FLYWCH1: variants seen among roughly 807,000 people sequenced by gnomAD.
FLYWCH1 encodes the protein FLYWCH-type zinc finger 1.
In FLYWCH1, 75 loss-of-function variants were observed where a neutral mutation model predicts 66.4. The observed-to-expected ratio is 1.13, with a 90% CI of 0.94 to 1.37. The LOEUF is 1.37. Ranked by LOEUF, FLYWCH1 falls within the 40% of genes most tolerant of loss-of-function variation. The pLI, the probability that FLYWCH1 is intolerant of heterozygous loss-of-function variation, is 0.00. For synonymous variants in FLYWCH1, 595 were observed against 429.9 expected, an observed-to-expected ratio of 1.38 and a Z score of -4.75; for missense variants, 1,334 against 1,001.8, an observed-to-expected ratio of 1.33 and a Z score of -4.48.
At chr16:2,932,437 G>T (rs1280088174) in intron 4 of FLYWCH1, among the ~76,000 whole-genome samples, 1 of 152,094 alleles carries the variant, frequency 6.6e-6, no homozygotes, top group African/African-American at 2.4e-5. Flanking sequence ...TGATAACCTG[G>T]ATTGTTGTGT....
At chr16:2,923,248 T>A (rs11642228) in intron 2 of FLYWCH1, 223,643 of 302,010 alleles carry the variant, frequency 0.74, 83,390 homozygotes, top group Non-Finnish European at 0.79. Context: ...GAGGCTGTTT[T>A]TGTTTATTTT....
chr16:2,936,811 A>C, intron 6 of FLYWCH1: 1 of 562,696 alleles, frequency 1.8e-6, no homozygotes. Context: ...CCTGCATGCA[A>C]GCCTGGGCGG....
chr16:2,938,630 T>TTG (rs1412348690), intron 8 of FLYWCH1, among the ~76,000 whole-genome samples, 174 bp downstream of exon 8: 3 of 136,024 alleles, frequency 2.2e-5, no homozygotes, highest in Non-Finnish European at 3.2e-5. Flanking sequence ...TTTTTTTTTT[T>TTG]GAGACTGAGT....
In FLYWCH1 at chr16:2,949,497, C is replaced by G. The variant is rs2071614425; in HGVS notation, c.*770C>G. The G allele has an allele frequency of 6.6e-6, 1 of 152,356 alleles. No individual in the cohort carries two copies. The highest frequency in any genetic ancestry group is 2.4e-5 in the African/African-American group (1 of 41,468). 9.4% of individuals were successfully genotyped at this position (152,356 alleles called of 1,614,324 possible). A position where few individuals can be genotyped will look rare whatever the true frequency, so the allele number is the denominator to read the frequency against. ...GCATCCTGGGTGGCCCAGGTCCATC[C>G]TGGGCAGCAAAGGCGTGTCCCCTTC... On this transcript the variant is annotated 3_prime_UTR_variant, in exon 10 of 10. Transcript: ENST00000253928.
At chr16:2,948,624 T>C (rs986844899) in intron 9 of FLYWCH1, 64 bp from the exon 10 acceptor site, 11 of 1,537,228 alleles carry the variant, frequency 7.2e-6, no homozygotes, top group African/African-American at 6.8e-5. Flanking sequence ...TCCTGAACTT[T>C]CTGTGTTATC....
intron 9 of FLYWCH1, among the ~76,000 whole-genome samples, chr16:2,948,303 A>T (rs2071566749): frequency 6.6e-6 from 1 of 152,070 alleles, no homozygotes; most frequent in Non-Finnish European, 1.5e-5. Flanking sequence ...TCATGCCTGT[A>T]ATCCCAGCAC....
At chr16:2,944,466 TATTAG>T (rs2071398504) in intron 9 of FLYWCH1, among the ~76,000 whole-genome samples, 1 of 152,238 alleles carries the variant, frequency 6.6e-6, no homozygotes, top group East Asian at 1.9e-4. Context: ...ATAAATATGT[TATTAG>T]ATTATTTACT....
intron 2 of FLYWCH1, among the ~76,000 whole-genome samples, chr16:2,920,686 CATAT>C: frequency 6.6e-6 from 1 of 151,724 alleles, no homozygotes; most frequent in Non-Finnish European, 1.5e-5. Flanking sequence ...GGATTGCAGG[CATAT>C]GCCACCATGC....
rs2071624823 is a variant in FLYWCH1, at chr16:2,949,854, C to T, written c.*1127C>T. 1.3e-5 allele frequency: 2 copies of T among 152,106 alleles called. No individual in the cohort carries two copies. The highest frequency in any genetic ancestry group is 6.6e-5 in the Admixed American group (1 of 15,252). 9.4% of individuals were successfully genotyped at this position (152,106 alleles called of 1,614,324 possible). A position where few individuals can be genotyped will look rare whatever the true frequency, so the allele number is the denominator to read the frequency against. ...CTTGTTCACATCCCTCTTGCAGCAA[C>T]AGTTGGCCGCCGTGAAACCACACTC... is the stretch of plus-strand genomic sequence containing the variant. On this transcript the variant is annotated 3_prime_UTR_variant, in exon 10 of 10. Transcript: ENST00000253928.
At chr16:2,922,815 T>G in intron 2 of FLYWCH1, 1 of 523,576 alleles carries the variant, frequency 1.9e-6, no homozygotes, top group Non-Finnish European at 3.8e-6. Flanking sequence ...TGGTGCTTGT[T>G]GGCTTTAACA....
chr16:2,932,565 G>A (rs1226481256), intron 4 of FLYWCH1, among the ~76,000 whole-genome samples: 1 of 152,152 alleles, frequency 6.6e-6, no homozygotes, highest in Non-Finnish European at 1.5e-5. Context: ...ACAGCCTTAA[G>A]GATCTGAGGT....
At chr16:2,931,915 C>T (rs1596374415) in intron 4 of FLYWCH1, among the ~76,000 whole-genome samples, 1 of 152,084 alleles carries the variant, frequency 6.6e-6, no homozygotes, top group Non-Finnish European at 1.5e-5. Context: ...AGATTGAGAC[C>T]ATCCTGGCTA....
Position 2,928,024 on chromosome 16 carries a change from A to G in FLYWCH1, c.-73-1589A>G, listed in dbSNP as rs577967384. On this transcript the variant is annotated intron_variant, in intron 2 of 9. Coordinates refer to ENST00000253928, the MANE Select transcript of FLYWCH1 (RefSeq NM_001308068.2). ...GAGCAAAGGAATCTGTATCATGAAG[A>G]AGTTCAAGGAAAGGTACTGTGTCTG... Among the ~76,000 whole-genome samples, 30 of 152,346 alleles carry G rather than the reference A, an allele frequency of 2.0e-4. No individual in the cohort carries two copies. In the South Asian group the frequency reaches 6.2e-3, roughly 32 times the overall value.
At position 2,948,684 on chromosome 16, in the gene FLYWCH1, T is replaced by G. The variant is rs1455481086; in HGVS notation, c.2112-4T>G. 6.2e-7 allele frequency: 1 copy of G among 1,613,664 alleles called. No individual in the cohort carries two copies. The highest frequency in any genetic ancestry group is 8.5e-7 in the Non-Finnish European group (1 of 1,179,600). On this transcript the variant is annotated splice_polypyrimidine_tract_variant and splice_region_variant and intron_variant, in intron 9 of 9. Coordinates refer to ENST00000253928, the MANE Select transcript of FLYWCH1 (RefSeq NM_001308068.2). ...GCAATGAACATGTGTCTCTTTGTAA[T>G]TAGGGACATCAAAGACGTCAGACTG... is the stretch of plus-strand genomic sequence containing the variant.
chr16:2,921,440 A>G (rs1301494083), intron 2 of FLYWCH1, among the ~76,000 whole-genome samples: 3 of 152,018 alleles, frequency 2.0e-5, no homozygotes, highest in Non-Finnish European at 2.9e-5. Context: ...TTATAGAGGC[A>G]TCCATCCGGT....
chr16:2,933,366 G>T lies in FLYWCH1; in HGVS notation c.1033G>T (p.Glu345Ter). 1 of 1,603,902 alleles carries T rather than the reference G, an allele frequency of 6.2e-7. No homozygotes were observed. Among genetic ancestry groups the T allele is most frequent in the South Asian group, 1.1e-5 (1 of 89,618 alleles). The change falls in exon 5 of 10, where the codon GAG becomes TAG. Residue 345 changes from glutamate (E) to a stop codon, truncating the protein, a stop_gained. Coordinates refer to ENST00000253928, the MANE Select transcript of FLYWCH1 (RefSeq NM_001308068.2). LOFTEE classifies it high-confidence loss of function. ...MEGLEARRQQ[E>*]KAVETLQAGQ... Reference sequence around the variant, plus strand: ...GGGCCTGGAAGCCCGGCGGCAGCAGGAGAAGGCCGTGGAGACGCTGCAGGC... The same window carrying T: ...GGGCCTGGAAGCCCGGCGGCAGCAGTAGAAGGCCGTGGAGACGCTGCAGGC...
chr16:2,941,543 G>A (rs116072937), intron 9 of FLYWCH1, among the ~76,000 whole-genome samples: 6,464 of 151,658 alleles, frequency 0.043, 451 homozygotes, highest in African/African-American at 0.15. Context: ...TTGTACCACT[G>A]CACTCCAGCC....
At chr16:2,934,643 C>G (rs1052764071) in intron 6 of FLYWCH1, 1 of 456,920 alleles carries the variant, frequency 2.2e-6, no homozygotes, top group South Asian at 1.5e-5. Context: ...AGTGGCTCTT[C>G]CGGATCCTGC....
Position 2,933,766 on chromosome 16 carries a change from G to A in FLYWCH1, c.1300G>A (p.Glu434Lys), listed in dbSNP as rs202023803. 3.9e-4 allele frequency: 624 copies of A among 1,613,194 alleles called. 3 individuals are homozygous for A. The African/African-American group carries it at 6.6e-3, about 17-fold the overall frequency. ...TPLGGSFLVY[E>K]SFLYRREKAA... ...CCTGGGGGGCAGCTTCCTGGTGTAC[G>A]AGTCCTTCCTCTACCGGCGGGAGAA... Residue 434 changes from glutamate to lysine, a missense_variant, in exon 6 of 10, where the codon GAG (glutamate) becomes AAG (lysine). Glu to Lys is a moderately conservative substitution (Grantham distance 56, BLOSUM62 1). Coordinates refer to ENST00000253928, the MANE Select transcript of FLYWCH1 (RefSeq NM_001308068.2).
Sources: gnomAD v4.1 joint callset for allele counts (sites outside exome capture counted in the v4.1 genomes callset) on GRCh38, gnomAD v4.1.1 for gene constraint, MANE v1.5 for transcripts, NCBI Gene and HGNC (gene_info 2026-07-23, HGNC 2026-07-21) for gene names.